MID1: variants seen among roughly 807,000 people sequenced by gnomAD.
MID1 encodes E3 ubiquitin-protein ligase Midline-1.
Under a neutral mutation model 40.4 loss-of-function variants are expected in MID1, and 7 were observed. That is an observed-to-expected ratio of 0.17 (90% confidence interval 0.10 to 0.33). The LOEUF is 0.33. MID1 is among the 10% of genes least tolerant of loss of function. MID1 has a pLI of 1.00. For synonymous variants in MID1, 229 were observed against 221.2 expected, an observed-to-expected ratio of 1.04 and a Z score of -0.31; for missense variants, 367 against 558.5, an observed-to-expected ratio of 0.66 and a Z score of 3.46.
intron 1 of MID1, among the ~76,000 whole-genome samples, chrX:10,779,868 G>A (rs1020710576): frequency 2.0e-4 from 22 of 111,185 alleles, no homozygotes; most frequent in Non-Finnish European, 3.6e-4. Context: ...CAGGCTGAGG[G>A]GTAAAGATAG....
At chrX:10,579,490 T>C (rs1465667033) in intron 1 of MID1, among the ~76,000 whole-genome samples, 1 of 111,944 alleles carries the variant, frequency 8.9e-6, no homozygotes, top group Non-Finnish European at 1.9e-5. Flanking sequence ...CAAGAACAAA[T>C]ACTAGTCTCG....
At chrX:10,685,770 C>T (rs888959485) in intron 1 of MID1, among the ~76,000 whole-genome samples, 1 of 110,546 alleles carries the variant, frequency 9.0e-6, no homozygotes, top group Non-Finnish European at 1.9e-5. Flanking sequence ...TATTTGTATA[C>T]ATTAAATACA....
chrX:10,519,834 C>T (rs1177646679), intron 3 of MID1, among the ~76,000 whole-genome samples: 1 of 111,977 alleles, frequency 8.9e-6, no homozygotes, highest in Non-Finnish European at 1.9e-5. Flanking sequence ...GAAAAAGTTG[C>T]TAACTCATGT....
At chrX:10,660,365 C>A (rs1033821223) in intron 1 of MID1, among the ~76,000 whole-genome samples, 2 of 112,544 alleles carry the variant, frequency 1.8e-5, no homozygotes, top group African/African-American at 6.5e-5. Flanking sequence ...GATCAGGACA[C>A]AAAGGAAGCT....
intron 1 of MID1, among the ~76,000 whole-genome samples, chrX:10,609,032 A>C (rs192909309): frequency 8.9e-6 from 1 of 112,055 alleles, no homozygotes; most frequent in African/African-American, 3.2e-5. Context: ...GATCATGTCC[A>C]TTTAATACTA....
chrX:10,516,760 C>A (rs777824060), intron 3 of MID1, among the ~76,000 whole-genome samples: 1 of 110,624 alleles, frequency 9.0e-6, no homozygotes, highest in African/African-American at 3.3e-5. Flanking sequence ...GGATTACAGG[C>A]GCACACCACC....
At chrX:10,718,574 A>G (rs180848433) in intron 1 of MID1, among the ~76,000 whole-genome samples, 5 of 111,711 alleles carry the variant, frequency 4.5e-5, no homozygotes, top group African/African-American at 1.6e-4. Context: ...CAACCAAAAA[A>G]AGTCCAGGAA....
chrX:10,633,571 C>T (rs1489621611), intron 1 of MID1, among the ~76,000 whole-genome samples: 1 of 110,911 alleles, frequency 9.0e-6, no homozygotes, highest in African/African-American at 3.3e-5. Context: ...CCTACCTCAG[C>T]CTCCAGAGTA....
chrX:10,501,085 C>T (rs1338994729), intron 3 of MID1, among the ~76,000 whole-genome samples: 2 of 111,679 alleles, frequency 1.8e-5, no homozygotes, highest in African/African-American at 3.3e-5. Flanking sequence ...CCGAGGCAGG[C>T]GGGTCACGAG....
At chrX:10,490,238 G>A (rs972981800) in intron 4 of MID1, among the ~76,000 whole-genome samples, 4 of 111,308 alleles carry the variant, frequency 3.6e-5, no homozygotes, top group African/African-American at 1.3e-4. Context: ...TAGTTTTCAA[G>A]GTCTTTCAAG....
intron 1 of MID1, among the ~76,000 whole-genome samples, chrX:10,692,045 C>T (rs2043134399): frequency 9.0e-6 from 1 of 111,576 alleles, no homozygotes; most frequent in South Asian, 3.8e-4. Flanking sequence ...GTTGTCTGCC[C>T]TCGAACCCTG....
chrX:10,754,708 A>G (rs2043621661), intron 1 of MID1, among the ~76,000 whole-genome samples: 1 of 111,177 alleles, frequency 9.0e-6, no homozygotes, highest in Non-Finnish European at 1.9e-5. Context: ...CCAGAGGGCC[A>G]TTTTCTATGG....
chrX:10,807,105 C>G (rs2044053521), intron 1 of MID1, among the ~76,000 whole-genome samples: 1 of 110,066 alleles, frequency 9.1e-6, no homozygotes, highest in Admixed American at 9.7e-5. Context: ...ATTAGCTGGG[C>G]GTGGTGGCAG....
At chrX:10,824,415 T>C (rs957384955) in intron 1 of MID1, among the ~76,000 whole-genome samples, 20 of 112,348 alleles carry the variant, frequency 1.8e-4, no homozygotes, top group Non-Finnish European at 3.6e-4. Flanking sequence ...TTATTGGCAG[T>C]AACTATATTC....
At chrX:10,509,859 G>C (rs1932026318) in intron 3 of MID1, among the ~76,000 whole-genome samples, 1 of 112,160 alleles carries the variant, frequency 8.9e-6, no homozygotes, top group Admixed American at 9.4e-5. Context: ...CAATAGTCAA[G>C]TGCTGCATGC....
intron 1 of MID1, among the ~76,000 whole-genome samples, chrX:10,725,198 G>T (rs2043381470): frequency 9.0e-6 from 1 of 111,626 alleles, no homozygotes; most frequent in Non-Finnish European, 1.9e-5. Flanking sequence ...AAATCCAACT[G>T]TGTTCACTTC....
At chrX:10,788,295 C>A (rs1429594196) in intron 1 of MID1, among the ~76,000 whole-genome samples, 2 of 111,750 alleles carry the variant, frequency 1.8e-5, no homozygotes, top group African/African-American at 6.5e-5. Context: ...GTGATCTTAT[C>A]CTTAATTAGA....
At chrX:10,638,238 G>A (rs1396718343) in intron 1 of MID1, among the ~76,000 whole-genome samples, 1 of 111,840 alleles carries the variant, frequency 8.9e-6, no homozygotes, top group Non-Finnish European at 1.9e-5. Context: ...CAAGGGGTTG[G>A]GGAATTCCCT....
intron 1 of MID1, among the ~76,000 whole-genome samples, chrX:10,815,170 C>A (rs920113001): frequency 8.9e-6 from 1 of 111,867 alleles, no homozygotes; most frequent in Non-Finnish European, 1.9e-5. Flanking sequence ...CAAAAACACA[C>A]CCTATAACAA....
Sources: gnomAD v4.1 joint callset for allele counts (sites outside exome capture counted in the v4.1 genomes callset) on GRCh38, gnomAD v4.1.1 for gene constraint, MANE v1.5 for transcripts, NCBI Gene and HGNC (gene_info 2026-07-23, HGNC 2026-07-21) for gene names.